Variants in EZH1 observed in about 807,000 individuals in gnomAD.
The protein encoded by EZH1 is enhancer of zeste 1 polycomb repressive complex 2 subunit.
Under a neutral mutation model 100.5 loss-of-function variants are expected in EZH1, and 33 were observed. The ratio of observed to expected loss-of-function variants is 0.33; its 90% confidence interval spans 0.25 to 0.44. The LOEUF is 0.44. Among genes scored for constraint, EZH1 ranks in the 20% least tolerant of loss-of-function variants. The pLI is 1.00. For synonymous variants in EZH1, 272 were observed against 313.8 expected, an observed-to-expected ratio of 0.87 and a Z score of 1.41; for missense variants, 475 against 928.4, an observed-to-expected ratio of 0.51 and a Z score of 6.35.
At chr17:42,716,479 C>T (rs996943199) in intron 10 of EZH1, among the ~76,000 whole-genome samples, 3 of 152,148 alleles carry the variant, frequency 2.0e-5, no homozygotes, top group Non-Finnish European at 2.9e-5. Context: ...ATTTAATATG[C>T]ACTCAAACCT....
chr17:42,709,191 T>G, intron 13 of EZH1: 1 of 508,068 alleles, frequency 2.0e-6, no homozygotes, highest in Non-Finnish European at 3.6e-6. Flanking sequence ...AGCCCAAGCC[T>G]ATTGGTCTAT....
intron 1 of EZH1, among the ~76,000 whole-genome samples, chr17:42,742,141 C>CT (rs781134584): frequency 0.012 from 1,728 of 141,140 alleles, 19 homozygotes; most frequent in African/African-American, 0.031. Context: ...TGCTGTCTCT[C>CT]TTTTTTTTTT....
intron 10 of EZH1, among the ~76,000 whole-genome samples, chr17:42,717,619 T>C (rs529966048): frequency 3.9e-5 from 6 of 152,336 alleles, no homozygotes; most frequent in African/African-American, 1.2e-4. Flanking sequence ...ATTCGTCTCA[T>C]AGTTATATGC....
At chr17:42,721,679 T>TA (rs879496533) in intron 6 of EZH1, among the ~76,000 whole-genome samples, 255 of 134,232 alleles carry the variant, frequency 1.9e-3, no homozygotes, top group East Asian at 0.014. Flanking sequence ...ACTAGGGTAA[T>TA]AAAAAAAAAA....
At chr17:42,717,042 C>A (rs2053619339) in intron 10 of EZH1, among the ~76,000 whole-genome samples, 1 of 152,080 alleles carries the variant, frequency 6.6e-6, no homozygotes, top group African/African-American at 2.4e-5. Context: ...TGGAGTTAGA[C>A]CCTGACTTGA....
In EZH1 at chr17:42,717,929, T is replaced by A. The variant is rs779616488; in HGVS notation, c.1023+47A>T. The A allele has an allele frequency of 1.9e-6, 3 of 1,569,138 alleles. No homozygotes were observed. The East Asian group carries it at 6.7e-5, about 35-fold the overall frequency. ...GCTGTGTACTGGCTCACGTGGCTTG[T>A]GTTCCCAGAATGAAGTTAATAATGC... On this transcript the variant is annotated intron_variant, in intron 10 of 20. Transcript: ENST00000428826.
At chr17:42,732,630 AGGTGGCGGGCGCCTG>A in intron 1 of EZH1, among the ~76,000 whole-genome samples, 2 of 151,990 alleles carry the variant, frequency 1.3e-5, no homozygotes, top group Non-Finnish European at 2.9e-5. Context: ...TAGCCTGGCG[AGGTGGCGGGCGCCTG>A]TAGTCCCAGC....
chr17:42,720,918 T>C (rs1286197955), intron 6 of EZH1, among the ~76,000 whole-genome samples: 1 of 152,176 alleles, frequency 6.6e-6, no homozygotes, highest in African/African-American at 2.4e-5. Flanking sequence ...ACCAAAATGC[T>C]GGGATTACAG....
At position 42,708,923 on chromosome 17, in the gene EZH1, A is replaced by C; in HGVS notation, c.1494-7T>G. 1 of 1,614,174 alleles carries C rather than the reference A, an allele frequency of 6.2e-7. No homozygotes were observed. Among genetic ancestry groups the C allele is most frequent in the Non-Finnish European group, 8.5e-7 (1 of 1,180,038 alleles). ...GCAGTGTGCAGCCCACAATCTGAAA[A>C]AGACAGGAAGGACAGGTCTCAGTCA... On this transcript the variant is annotated splice_polypyrimidine_tract_variant and splice_region_variant and intron_variant, in intron 13 of 20. Transcript: ENST00000428826.
intron 1 of EZH1, among the ~76,000 whole-genome samples, chr17:42,744,459 A>C (rs1392329643): frequency 6.6e-6 from 1 of 152,122 alleles, no homozygotes; most frequent in Non-Finnish European, 1.5e-5. Context: ...CGCTCACTGC[A>C]CTTGCGCGAC....
At chr17:42,716,510 T>A (rs1475734310) in intron 10 of EZH1, among the ~76,000 whole-genome samples, 1 of 152,064 alleles carries the variant, frequency 6.6e-6, no homozygotes, top group African/African-American at 2.4e-5. Context: ...AAAAGAAAAA[T>A]TGTGCATACA....
chr17:42,716,989 C>T (rs1222043253), intron 10 of EZH1, among the ~76,000 whole-genome samples: 1 of 152,130 alleles, frequency 6.6e-6, no homozygotes, highest in East Asian at 1.9e-4. Flanking sequence ...TGCACTACGA[C>T]GCCTGGCTGA....
rs983374835 is a variant in EZH1, at chr17:42,713,528, T to C, written c.1024-139A>G. On this transcript the variant is annotated intron_variant, in intron 10 of 20. Transcript: ENST00000428826. Reference sequence around the variant, plus strand: ...TTTTCTCTGTACCATATAATAAGTATGATCATATAACAATGAGAGCTGCTT... The same window carrying C: ...TTTTCTCTGTACCATATAATAAGTACGATCATATAACAATGAGAGCTGCTT... 16 of 720,770 alleles carry C rather than the reference T, an allele frequency of 2.2e-5. No homozygotes were observed. In the African/African-American group the frequency reaches 2.9e-4, roughly 13 times the overall value. 44.6% of individuals were successfully genotyped at this position (720,770 alleles called of 1,614,324 possible).
At chr17:42,734,162 C>T (rs1402185119) in intron 1 of EZH1, among the ~76,000 whole-genome samples, 1 of 151,550 alleles carries the variant, frequency 6.6e-6, no homozygotes, top group Non-Finnish European at 1.5e-5. Context: ...ATCCTTGTGC[C>T]TCAGCCTCCT....
At chr17:42,744,940 C>G in intron 1 of EZH1, 71 bp downstream of exon 1, 1 of 1,247,912 alleles carries the variant, frequency 8.0e-7, no homozygotes, top group Admixed American at 2.7e-5. Context: ...CCTCTCCCTC[C>G]CTCAGGCCCA....
In EZH1 at chr17:42,722,865, C is replaced by A; in HGVS notation, c.417G>T (p.Val139=). 1.2e-6 allele frequency: 2 copies of A among 1,614,100 alleles called. No individual in the cohort carries two copies. Among genetic ancestry groups the A allele is most frequent in the South Asian group, 2.2e-5 (2 of 91,076 alleles). ...LCNIPYMGDE[V]KEEDETFIEE... is the part of the protein sequence containing the mutation. ...CAATAAAAGTCTCATCTTCTTCTTT[C>A]ACTTCATCTCCCATGTAGGGAATAT... Residue 139 remains valine (V), a synonymous_variant, in exon 6 of 21, where the codon GTG becomes GTT. Coordinates refer to ENST00000428826, the MANE Select transcript of EZH1 (RefSeq NM_001991.5).
intron 1 of EZH1, among the ~76,000 whole-genome samples, chr17:42,742,299 G>C (rs1403406451): frequency 6.6e-6 from 1 of 151,912 alleles, no homozygotes; most frequent in African/African-American, 2.4e-5. Flanking sequence ...CCGCCACCAC[G>C]TCTGGCTAAT....
At chr17:42,743,501 G>A (rs1229442052) in intron 1 of EZH1, among the ~76,000 whole-genome samples, 1 of 150,534 alleles carries the variant, frequency 6.6e-6, no homozygotes, top group Non-Finnish European at 1.5e-5. Flanking sequence ...AGGGTCTCAG[G>A]TGCTGTCACC....
chr17:42,716,186 A>C lies in EZH1; in HGVS notation c.1023+1790T>G, dbSNP rs566534873. On this transcript the variant is annotated intron_variant, in intron 10 of 20. Transcript: ENST00000428826. ...TGAAAAAAAAATTGAATATATTAATAGAATGGGTAATAGAGGATACTATAC... is the reference window on the plus strand; with the variant it reads ...TGAAAAAAAAATTGAATATATTAATCGAATGGGTAATAGAGGATACTATAC... Among the ~76,000 whole-genome samples the C allele has an allele frequency of 2.0e-5, 3 of 152,352 alleles. No individual in the cohort carries two copies. The East Asian group carries it at 5.8e-4, about 29-fold the overall frequency.
Sources: gnomAD v4.1 joint callset for allele counts (sites outside exome capture counted in the v4.1 genomes callset) on GRCh38, gnomAD v4.1.1 for gene constraint, MANE v1.5 for transcripts, NCBI Gene and HGNC (gene_info 2026-07-23, HGNC 2026-07-21) for gene names.